The following LTBP1 variants were observed in gnomAD, a reference collection of about 807,000 sequenced individuals.
LTBP1 encodes latent transforming growth factor beta binding protein 1.
LTBP1 carries 129 observed loss-of-function variants against 207.6 expected under a neutral mutation model. That is an observed-to-expected ratio of 0.62 (90% CI 0.54 to 0.72). The LOEUF (loss-of-function observed/expected upper bound fraction) is 0.72. LTBP1 is among the 30% of genes least tolerant of loss of function. The pLI, the probability that LTBP1 is intolerant of heterozygous loss-of-function variation, is 0.00. For synonymous variants in LTBP1, 963 were observed against 833.7 expected (o/e 1.16, Z -2.67); for missense variants, 2,281 against 2,217.2 (o/e 1.03, Z -0.58).
intron 19 of LTBP1, among the ~76,000 whole-genome samples, chr2:33,283,655 C>G (rs1463385884): frequency 6.6e-6 from 1 of 152,094 alleles, no homozygotes; most frequent in African/African-American, 2.4e-5. Context: ...CCAGGATGGT[C>G]TGGATCTCCT....
chr2:33,327,587 C>A (rs990579952), intron 24 of LTBP1, among the ~76,000 whole-genome samples: 3 of 152,122 alleles, frequency 2.0e-5, no homozygotes, highest in Admixed American at 2.0e-4. Context: ...AGTAGCTTGA[C>A]TTCATTTTGC....
intron 31 of LTBP1, among the ~76,000 whole-genome samples, chr2:33,365,866 A>G (rs978627840): frequency 1.2e-4 from 18 of 152,224 alleles, no homozygotes; most frequent in African/African-American, 4.3e-4. Flanking sequence ...ACTTAGACCA[A>G]AATGTGTATT....
chr2:33,264,542 T>G (rs1328659418), intron 15 of LTBP1, among the ~76,000 whole-genome samples: 2 of 152,048 alleles, frequency 1.3e-5, no homozygotes, highest in African/African-American at 4.8e-5. Flanking sequence ...TATAAATCAA[T>G]AGGAAAAATA....
Position 32,947,722 on chromosome 2 carries a change from A to T in LTBP1, c.398A>T (p.Lys133Ile). The change falls in exon 1 of 34, where the codon AAA (lysine) becomes ATA (isoleucine). Residue 133 changes from lysine (K) to isoleucine (I), a missense_variant. Lys to Ile is a moderately radical substitution (Grantham distance 102). Around this residue, in one of 3 missense-constraint regions of LTBP1, gnomAD observed 555 missense variants for 491.0 expected, o/e 1.13. Coordinates refer to ENST00000404816, the MANE Select transcript of LTBP1 (RefSeq NM_206943.4). The part of the protein sequence containing the change: ...GGHPAAAPFT[K>I]QGRQVVRSKV... ...CACCCGGCAGCCGCCCCGTTCACCA[A>T]ACAAGGCAGGCAAGTTGTGCGCTCC... 1 of 1,536,164 alleles carries T rather than the reference A, an allele frequency of 6.5e-7. No individual in the cohort carries two copies. The highest frequency in any genetic ancestry group is 1.2e-5 in the South Asian group (1 of 82,452).
chr2:33,197,440 A>G (rs1361180214), intron 7 of LTBP1, among the ~76,000 whole-genome samples: 1 of 152,232 alleles, frequency 6.6e-6, no homozygotes, highest in African/African-American at 2.4e-5. Context: ...ACAGGCTTCA[A>G]ACCCGAACAT....
chr2:33,101,963 T>G (rs1039251568), intron 3 of LTBP1, among the ~76,000 whole-genome samples: 2 of 152,180 alleles, frequency 1.3e-5, no homozygotes, highest in African/African-American at 4.8e-5. Context: ...TCTGCTTTTT[T>G]TAGCACGTAG....
chr2:33,100,523 G>GT (rs1386049448), intron 3 of LTBP1, among the ~76,000 whole-genome samples: 1 of 151,000 alleles, frequency 6.6e-6, no homozygotes, highest in East Asian at 1.9e-4. Context: ...TTTTTATGTA[G>GT]TTTTAAAAAA....
intron 5 of LTBP1, among the ~76,000 whole-genome samples, chr2:33,184,030 A>G (rs74917298): frequency 0.015 from 2,262 of 152,138 alleles, 23 homozygotes; most frequent in East Asian, 0.027. Flanking sequence ...CCTGTGTCCC[A>G]TCATCAAGTT....
intron 4 of LTBP1, among the ~76,000 whole-genome samples, chr2:33,132,261 A>G (rs2081857216): frequency 6.6e-6 from 1 of 152,222 alleles, no homozygotes; most frequent in Non-Finnish European, 1.5e-5. Context: ...TGTTTGTGCT[A>G]CTGTGAAAAA....
intron 2 of LTBP1, among the ~76,000 whole-genome samples, chr2:33,004,807 ATATATAT>A (rs1686567850): frequency 1.4e-5 from 2 of 145,442 alleles, no homozygotes; most frequent in Non-Finnish European, 3.0e-5. Context: ...ATATATATAT[ATATATAT>A]AAACATAAAA....
In LTBP1 at chr2:33,373,876, T is replaced by G. The variant is rs372171482; in HGVS notation, c.4711+8373T>G. Among the ~76,000 whole-genome samples, 65 of 152,328 alleles carry G rather than the reference T, an allele frequency of 4.3e-4. No homozygotes were observed. In the South Asian group the frequency reaches 0.012, roughly 29 times the overall value. ...GTATTTTAAATCTGCAAATGATACT[T>G]TAATAAATTCACCATTTGCTGTGAC... On this transcript the variant is annotated intron_variant, in intron 31 of 33. Transcript: ENST00000404816.
intron 3 of LTBP1, among the ~76,000 whole-genome samples, chr2:33,046,172 G>C (rs933488397): frequency 5.9e-5 from 9 of 152,156 alleles, no homozygotes; most frequent in Non-Finnish European, 1.0e-4. Flanking sequence ...TGATGAGAGA[G>C]GGCATTCTTG....
At chr2:33,106,317 G>A (rs149060141) in intron 3 of LTBP1, among the ~76,000 whole-genome samples, 2 of 152,306 alleles carry the variant, frequency 1.3e-5, no homozygotes, top group African/African-American at 2.4e-5. Flanking sequence ...CTCCTCCCAT[G>A]AATCACAAAT....
intron 7 of LTBP1, among the ~76,000 whole-genome samples, chr2:33,205,502 G>A (rs1221695509): frequency 6.6e-6 from 1 of 152,180 alleles, no homozygotes; most frequent in African/African-American, 2.4e-5. Flanking sequence ...TTAGAGGTGA[G>A]CAGAGGACTC....
chr2:33,341,482 C>A (rs989421686), intron 24 of LTBP1, among the ~76,000 whole-genome samples: 3 of 151,740 alleles, frequency 2.0e-5, no homozygotes, highest in East Asian at 1.9e-4. Context: ...AAGGCCGAGG[C>A]GGGCAGATCA....
At chr2:33,170,379 C>T (rs1043888526) in intron 5 of LTBP1, among the ~76,000 whole-genome samples, 6 of 43,280 alleles carry the variant, frequency 1.4e-4, no homozygotes, top group Non-Finnish European at 2.4e-4. Flanking sequence ...GAGGGTCCTA[C>T]GCCCATAGAG....
intron 9 of LTBP1, among the ~76,000 whole-genome samples, chr2:33,234,969 C>T (rs190697744): frequency 6.6e-6 from 1 of 152,222 alleles, no homozygotes; most frequent in East Asian, 1.9e-4. Flanking sequence ...ATAGGCAATA[C>T]CATTCAGGAC....
At chr2:33,244,663 G>T (rs554513698) in intron 10 of LTBP1, among the ~76,000 whole-genome samples, 4 of 152,064 alleles carry the variant, frequency 2.6e-5, no homozygotes, top group Non-Finnish European at 5.9e-5. Context: ...TAAAGAGATG[G>T]GGTCTTGCTA....
At chr2:32,958,214 G>A (rs2148368575) in intron 2 of LTBP1, among the ~76,000 whole-genome samples, 1 of 152,306 alleles carries the variant, frequency 6.6e-6, no homozygotes, top group African/African-American at 2.4e-5. Flanking sequence ...TCACAAAATA[G>A]GAATAATGAT....
Sources: gnomAD v4.1 joint callset for allele counts (sites outside exome capture counted in the v4.1 genomes callset) on GRCh38, gnomAD v4.1.1 for gene constraint, gnomAD v4.1.1 regional missense constraint, MANE v1.5 for transcripts, NCBI Gene and HGNC (gene_info 2026-07-23, HGNC 2026-07-21) for gene names.